Variants in FAM184A observed in about 807,000 individuals in gnomAD.
The protein encoded by FAM184A is protein FAM184A.
In FAM184A, 99 loss-of-function variants were observed where a neutral mutation model predicts 143.8. That is an observed-to-expected ratio of 0.69 (90% CI 0.58 to 0.81). The LOEUF is 0.81. Among genes scored for constraint, FAM184A ranks in the 40% least tolerant of loss-of-function variants. FAM184A has a pLI of 0.00. For missense variants in FAM184A, 1,217 were observed against 1,310.5 expected (o/e 0.93, Z 1.10); for synonymous variants, 427 against 446.4 (o/e 0.96, Z 0.55).
intron 16 of FAM184A, 132 bp from the exon 17 acceptor site, chr6:118,962,095 C>T: frequency 2.6e-6 from 2 of 781,150 alleles, no homozygotes; most frequent in Admixed American, 2.4e-5. Context: ...GTTAATTAAC[C>T]AGTGTTACCC....
intron 7 of FAM184A, chr6:119,005,886 T>C (rs998134160): frequency 2.1e-6 from 1 of 474,922 alleles, no homozygotes; most frequent in Non-Finnish European, 3.8e-6. Context: ...AAGCACTTAG[T>C]TGCTGTATAT....
intron 9 of FAM184A, among the ~76,000 whole-genome samples, chr6:118,989,364 A>C (rs1445432344): frequency 6.6e-6 from 1 of 151,912 alleles, no homozygotes; most frequent in Non-Finnish European, 1.5e-5. Context: ...CAATCACCTC[A>C]TTTTTTACCT....
At chr6:119,080,812 T>C (rs1788040537), upstream of FAM184A, among the ~76,000 whole-genome samples, 1 of 152,200 alleles carries the variant, frequency 6.6e-6, no homozygotes, top group Non-Finnish European at 1.5e-5. Flanking sequence ...AGACACCCTG[T>C]ATTAGTCTGT....
intron 1 of FAM184A, among the ~76,000 whole-genome samples, chr6:119,049,172 G>A (rs1287819678): frequency 6.6e-6 from 1 of 152,182 alleles, no homozygotes; most frequent in Non-Finnish European, 1.5e-5. Flanking sequence ...CATACGCCAG[G>A]CGCGGTGGCT....
intron 1 of FAM184A, among the ~76,000 whole-genome samples, chr6:119,137,399 C>A (rs1335125850): frequency 3.9e-5 from 6 of 152,124 alleles, no homozygotes; most frequent in African/African-American, 1.4e-4. Context: ...CAGATTAGGA[C>A]CCCACCCATA....
intron 4 of FAM184A, among the ~76,000 whole-genome samples, chr6:119,017,326 G>A (rs947020020): frequency 2.0e-5 from 3 of 152,076 alleles, no homozygotes; most frequent in Non-Finnish European, 2.9e-5. Flanking sequence ...GTGAAACCCC[G>A]TCTCTACTAA....
At chr6:119,146,201 TA>T (rs1346808449) in intron 1 of FAM184A, among the ~76,000 whole-genome samples, 2 of 152,032 alleles carry the variant, frequency 1.3e-5, no homozygotes, top group Non-Finnish European at 2.9e-5. Flanking sequence ...AATAAATAAA[TA>T]AATTTAAAGG....
chr6:119,054,039 G>A (rs1346904411), intron 1 of FAM184A, among the ~76,000 whole-genome samples: 1 of 151,296 alleles, frequency 6.6e-6, no homozygotes, highest in Admixed American at 6.6e-5. Context: ...ATGTAATGAA[G>A]TTTTAAGAAA....
chr6:119,049,724 A>G (rs986854489), intron 1 of FAM184A, among the ~76,000 whole-genome samples: 1 of 152,230 alleles, frequency 6.6e-6, no homozygotes, highest in Non-Finnish European at 1.5e-5. Flanking sequence ...CCAAAACTAT[A>G]AAAACTCTGG....
chr6:118,972,508 G>C (rs900684038), intron 14 of FAM184A, among the ~76,000 whole-genome samples: 1 of 152,102 alleles, frequency 6.6e-6, no homozygotes, highest in Non-Finnish European at 1.5e-5. Flanking sequence ...AAACATAATT[G>C]GTTAGCATGG....
rs145348938 is a variant in FAM184A, at chr6:119,140,463, G to C, written c.-202+8615C>G. ...CTCACCTTTGAAGGACAAATGCACA[G>C]GAGCTACCCAATATGCAATATTCAC... On this transcript the variant is annotated intron_variant, in intron 1 of 16. Transcript: ENST00000352896. Among the ~76,000 whole-genome samples, 30 of 152,324 alleles carry C rather than the reference G, an allele frequency of 2.0e-4. No individual in the cohort carries two copies. The East Asian group carries it at 5.8e-3, about 29-fold the overall frequency.
chr6:118,974,914 T>C, intron 13 of FAM184A, 110 bp downstream of exon 13: 1 of 798,264 alleles, frequency 1.3e-6, no homozygotes, highest in Non-Finnish European at 2.0e-6. Context: ...GTCTTCAATA[T>C]TTTACTAGAG....
chr6:118,990,821 C>T (rs760313239), intron 9 of FAM184A, among the ~76,000 whole-genome samples: 14 of 151,782 alleles, frequency 9.2e-5, no homozygotes, highest in Admixed American at 2.6e-4. Context: ...AACCGAGAGG[C>T]GAGGGTTGTG....
intron 6 of FAM184A, among the ~76,000 whole-genome samples, chr6:119,007,307 C>A (rs1409213337): frequency 6.6e-6 from 1 of 151,968 alleles, no homozygotes; most frequent in East Asian, 1.9e-4. Context: ...GAAATTTCTA[C>A]AAAAGTTGAA....
chr6:119,017,294 C>A (rs1785292293), intron 4 of FAM184A, among the ~76,000 whole-genome samples: 1 of 152,128 alleles, frequency 6.6e-6, no homozygotes, highest in Non-Finnish European at 1.5e-5. Context: ...GTCAGGAGAT[C>A]AAGACCATCC....
chr6:119,109,906 G>A (rs1788887256), intron 1 of FAM184A, among the ~76,000 whole-genome samples: 2 of 152,004 alleles, frequency 1.3e-5, no homozygotes, highest in African/African-American at 4.8e-5. Flanking sequence ...GTTCTGCCCT[G>A]CATTTTAGGC....
At chr6:119,124,759 T>A (rs1242858703) in intron 1 of FAM184A, among the ~76,000 whole-genome samples, 1 of 152,116 alleles carries the variant, frequency 6.6e-6, no homozygotes, top group Admixed American at 6.5e-5. Flanking sequence ...GCCCTAATTT[T>A]TTTTTTTTAT....
Position 118,987,633 on chromosome 6 carries a change from T to C in FAM184A, c.2089-7283A>G, listed in dbSNP as rs541092453. On this transcript the variant is annotated intron_variant, in intron 9 of 17. Transcript: ENST00000338891. ...TAACATTACAATGTATAAAATATGT[T>C]CTAATTCCCATAAACCTTCATAACA... 7.9e-5 allele frequency among the ~76,000 whole-genome samples: 12 copies of C among 152,286 alleles called. 1 individual carries two copies. The highest frequency in any genetic ancestry group is 2.9e-4 in the African/African-American group (12 of 41,580).
chr6:119,074,260 C>T (rs1562139454), intron 1 of FAM184A, among the ~76,000 whole-genome samples: 1 of 152,262 alleles, frequency 6.6e-6, no homozygotes, highest in East Asian at 1.9e-4. Flanking sequence ...CCAGAACTGG[C>T]AAGACAAAGC....
Sources: allele counts gnomAD v4.1 joint callset (sites outside exome capture counted in the v4.1 genomes callset), GRCh38; gene constraint gnomAD v4.1.1; transcripts MANE v1.5; gene names NCBI Gene and HGNC (gene_info 2026-07-23, HGNC 2026-07-21).